The following AGK variants were observed in gnomAD, a reference collection of about 807,000 sequenced individuals.
The protein encoded by AGK is acylglycerol kinase, mitochondrial.
In AGK, 52 loss-of-function variants were observed where a neutral mutation model predicts 66.4. The ratio of observed to expected loss-of-function variants is 0.78; its 90% CI spans 0.63 to 0.99. AGK has a LOEUF of 0.99. Ranked by LOEUF, AGK falls within the 50% of genes least tolerant of loss-of-function variation. The pLI, the probability that AGK is intolerant of heterozygous loss-of-function variation, is 0.00. For synonymous variants in AGK, 182 were observed against 181.1 expected, an observed-to-expected ratio of 1.00 and a Z score of -0.04; for missense variants, 451 against 506.6, an observed-to-expected ratio of 0.89 and a Z score of 1.05.
At chr7:141,595,205 T>A (rs1796203801) in intron 3 of AGK, among the ~76,000 whole-genome samples, 2 of 152,140 alleles carry the variant, frequency 1.3e-5, no homozygotes, top group Admixed American at 6.5e-5. Context: ...CTTTAGACAC[T>A]AAGAAATGAG....
At chr7:141,596,500 T>G in intron 3 of AGK, 62 bp from the exon 4 acceptor site, 1 of 1,435,320 alleles carries the variant, frequency 7.0e-7, no homozygotes, top group South Asian at 1.1e-5. Flanking sequence ...AATGAAAGAA[T>G]ACATGTGACA....
intron 4 of AGK, among the ~76,000 whole-genome samples, chr7:141,597,890 CAAAAAAAA>C (rs56295907): frequency 5.6e-5 from 4 of 71,444 alleles, no homozygotes; most frequent in Admixed American, 2.8e-4. Flanking sequence ...GACTCTGTCT[CAAAAAAAA>C]AAAAAAAAAA....
chr7:141,614,873 C>A (rs1274231920), intron 7 of AGK, among the ~76,000 whole-genome samples: 2 of 152,116 alleles, frequency 1.3e-5, no homozygotes, highest in Non-Finnish European at 2.9e-5. Context: ...TTATTTTATG[C>A]ACTTTTCTAC....
At chr7:141,566,138 A>G (rs1795463217) in intron 2 of AGK, among the ~76,000 whole-genome samples, 1 of 152,240 alleles carries the variant, frequency 6.6e-6, no homozygotes, top group South Asian at 2.1e-4. Context: ...TCCTGAGACA[A>G]CTATCATTTC....
chr7:141,644,641 C>T (rs1797366779), intron 13 of AGK, among the ~76,000 whole-genome samples: 1 of 152,150 alleles, frequency 6.6e-6, no homozygotes, highest in Admixed American at 6.5e-5. Flanking sequence ...TATTAAAAGT[C>T]ATATCTATTT....
intron 4 of AGK, 101 bp from the exon 5 acceptor site, chr7:141,601,104 C>A: frequency 2.5e-6 from 2 of 794,004 alleles, no homozygotes; most frequent in Non-Finnish European, 4.1e-6. Context: ...ACCCGTATTG[C>A]ATAGTCTTTC....
intron 2 of AGK, among the ~76,000 whole-genome samples, chr7:141,580,167 G>A (rs919547545): frequency 1.3e-5 from 2 of 152,022 alleles, no homozygotes; most frequent in Admixed American, 6.5e-5. Flanking sequence ...GATATGGAAG[G>A]CATATTTAGA....
chr7:141,620,291 A>G (rs1796795556), intron 8 of AGK, among the ~76,000 whole-genome samples: 1 of 152,202 alleles, frequency 6.6e-6, no homozygotes, highest in African/African-American at 2.4e-5. Flanking sequence ...AATTTATAAA[A>G]CAGTGTACCT....
At chr7:141,586,324 A>G (rs1036055022) in intron 2 of AGK, among the ~76,000 whole-genome samples, 2 of 152,192 alleles carry the variant, frequency 1.3e-5, no homozygotes, top group African/African-American at 4.8e-5. Context: ...TGATTATCAC[A>G]TTGGAGAAAC....
intron 11 of AGK, among the ~76,000 whole-genome samples, chr7:141,639,583 A>G (rs1166651605): frequency 6.6e-6 from 1 of 152,176 alleles, no homozygotes; most frequent in Admixed American, 6.5e-5. Context: ...AAATGAGATT[A>G]GAGAAAGTTA....
At chr7:141,594,108 A>G (rs1367174246) in intron 3 of AGK, 4 of 152,038 alleles carry the variant, frequency 2.6e-5, no homozygotes, top group Non-Finnish European at 5.9e-5. Context: ...TACGAATTTG[A>G]TTACTTCTTT....
intron 2 of AGK, among the ~76,000 whole-genome samples, chr7:141,570,599 A>G (rs1240226924): frequency 6.6e-6 from 1 of 151,650 alleles, no homozygotes; most frequent in South Asian, 2.1e-4. Context: ...TCAATATTTC[A>G]CTAATTTTGT....
In AGK at chr7:141,579,249, G is replaced by C. The variant is rs530585611; in HGVS notation, c.102-13897G>C. Reference sequence around the variant, plus strand: ...CTTTTTAAGTTGGTGGCTGAGCTTGGTGAGGTGTGTTTTTAAAAGACCATT... The same window carrying C: ...CTTTTTAAGTTGGTGGCTGAGCTTGCTGAGGTGTGTTTTTAAAAGACCATT... On this transcript the variant is annotated intron_variant, in intron 2 of 15. Coordinates refer to ENST00000649286, the MANE Select transcript of AGK (RefSeq NM_018238.4). 1.1e-4 allele frequency among the ~76,000 whole-genome samples: 16 copies of C among 152,208 alleles called. No homozygotes were observed. The South Asian group carries it at 3.1e-3, about 30-fold the overall frequency.
chr7:141,623,651 G>A (rs1392432785), intron 9 of AGK, among the ~76,000 whole-genome samples: 1 of 152,224 alleles, frequency 6.6e-6, no homozygotes, highest in Non-Finnish European at 1.5e-5. Context: ...AACATAAAGT[G>A]CAAGGTGGAG....
chr7:141,649,076 C>A, intron 13 of AGK, 187 bp from the exon 14 acceptor site: 3 of 414,958 alleles, frequency 7.2e-6, no homozygotes, highest in South Asian at 7.1e-5. Context: ...TAAATTATAC[C>A]TCAGTAAAGC....
At chr7:141,591,053 T>C (rs1487288065) in intron 2 of AGK, among the ~76,000 whole-genome samples, 3 of 149,482 alleles carry the variant, frequency 2.0e-5, no homozygotes, top group African/African-American at 7.4e-5. Flanking sequence ...GATGTCATGA[T>C]AATTTCAGTA....
intron 4 of AGK, 186 bp downstream of exon 4, chr7:141,596,827 G>A: frequency 1.8e-6 from 1 of 567,578 alleles, no homozygotes; most frequent in Non-Finnish European, 3.1e-6. Flanking sequence ...ACTAATGGAT[G>A]CTTAGCAAAC....
intron 2 of AGK, among the ~76,000 whole-genome samples, chr7:141,558,211 G>A (rs1795256902): frequency 6.6e-6 from 1 of 151,842 alleles, no homozygotes; most frequent in African/African-American, 2.4e-5. Flanking sequence ...AGGCTAGAGT[G>A]TAGTGGTGTG....
At chr7:141,562,324 C>A (rs1276231421) in intron 2 of AGK, among the ~76,000 whole-genome samples, 1 of 152,160 alleles carries the variant, frequency 6.6e-6, no homozygotes, top group Non-Finnish European at 1.5e-5. Context: ...AAGAGAACAC[C>A]AGCTGCGGTA....
Sources: gnomAD v4.1 joint callset for allele counts (sites outside exome capture counted in the v4.1 genomes callset) on GRCh38, gnomAD v4.1.1 for gene constraint, MANE v1.5 for transcripts, NCBI Gene and HGNC (gene_info 2026-07-23, HGNC 2026-07-21) for gene names.